Variants in MED12L observed in about 807,000 individuals in gnomAD.
The protein encoded by MED12L is mediator of RNA polymerase II transcription subunit 12-like protein.
Under a neutral mutation model 281.3 loss-of-function variants are expected in MED12L, and 60 were observed. The observed-to-expected ratio is 0.21, with a 90% CI of 0.17 to 0.26. The LOEUF is 0.26. Among genes scored for constraint, MED12L ranks in the 10% least tolerant of loss-of-function variants. The probability of loss-of-function intolerance (pLI) is 1.00; values close to 1 mark genes in which losing one functional copy is unlikely to be tolerated. For synonymous variants in MED12L, 974 were observed against 987.2 expected (o/e 0.99, Z 0.25); for missense variants, 2,146 against 2,680.9 (o/e 0.80, Z 4.41).
chr3:151,228,448 T>C (rs1211807662), intron 16 of MED12L, among the ~76,000 whole-genome samples: 5 of 152,078 alleles, frequency 3.3e-5, no homozygotes, highest in African/African-American at 1.2e-4. Context: ...ATCAGGCTCC[T>C]GACAGTTTCC....
At chr3:151,153,551 T>G (rs1718852524) in intron 5 of MED12L, among the ~76,000 whole-genome samples, 1 of 150,042 alleles carries the variant, frequency 6.7e-6, no homozygotes, top group Non-Finnish European at 1.5e-5. Flanking sequence ...ATGTATCCGT[T>G]TCTGTTTTCT....
intron 16 of MED12L, among the ~76,000 whole-genome samples, chr3:151,274,742 G>C (rs1741563871): frequency 6.6e-6 from 1 of 152,138 alleles, no homozygotes; most frequent in African/African-American, 2.4e-5. Context: ...AAAGATTGTT[G>C]TCATAATTGA....
intron 16 of MED12L, among the ~76,000 whole-genome samples, chr3:151,324,231 T>A (rs1749316284): frequency 6.6e-6 from 1 of 152,194 alleles, no homozygotes; most frequent in Non-Finnish European, 1.5e-5. Flanking sequence ...AGAAAAATGA[T>A]AATCTTTGTA....
At chr3:151,293,576 T>TACACAC (rs55846173) in intron 16 of MED12L, among the ~76,000 whole-genome samples, 7,128 of 76,062 alleles carry the variant, frequency 0.094, 853 homozygotes, top group East Asian at 0.23. Context: ...ATGAAGCCCT[T>TACACAC]ACACACACAC....
chr3:151,145,659 C>G (rs913553719), intron 5 of MED12L, among the ~76,000 whole-genome samples: 2 of 152,172 alleles, frequency 1.3e-5, no homozygotes, highest in Non-Finnish European at 2.9e-5. Flanking sequence ...GGATCTCTTT[C>G]TTACACTTGG....
chr3:151,368,662 T>TCATG (rs1560087230), intron 25 of MED12L, among the ~76,000 whole-genome samples: 2 of 52,378 alleles, frequency 3.8e-5, no homozygotes, highest in East Asian at 9.0e-4. Context: ...TTCATTTCAT[T>TCATG]TCATTTCATT....
chr3:151,086,877 G>GC lies in MED12L; in HGVS notation c.-49dup. ...TGCTGCTCCCTGGTGCTCAGAGGCG[G>GC]CTGCTCCAGCTCCAACTCTCATTCA... On this transcript the variant is annotated 5_prime_UTR_variant, in exon 2 of 45. Coordinates refer to ENST00000687756, the MANE Select transcript of MED12L (RefSeq NM_001393769.1). 1 of 1,456,448 alleles carries GC rather than the reference G, an allele frequency of 6.9e-7. No individual in the cohort carries two copies. Among genetic ancestry groups the GC allele is most frequent in the Non-Finnish European group, 9.3e-7 (1 of 1,071,438 alleles). The allele number at this position is 1,456,448 out of a possible 1,614,324, so 90.2% of individuals were successfully genotyped here. A position where few individuals can be genotyped will look rare whatever the true frequency, so the allele number is the denominator to read the frequency against.
At chr3:151,157,900 C>A (rs896751290) in intron 6 of MED12L, among the ~76,000 whole-genome samples, 9 of 151,996 alleles carry the variant, frequency 5.9e-5, no homozygotes, top group African/African-American at 1.9e-4. Context: ...TTTTTTGTTT[C>A]TTTCTTTCAT....
chr3:151,418,800 T>A (rs578129913), intron 43 of MED12L, among the ~76,000 whole-genome samples: 1 of 152,366 alleles, frequency 6.6e-6, no homozygotes, highest in East Asian at 1.9e-4. Flanking sequence ...TCTATTAAAT[T>A]ATTCTTGCCT....
At chr3:151,126,945 C>G (rs980383123) in intron 4 of MED12L, among the ~76,000 whole-genome samples, 1 of 152,158 alleles carries the variant, frequency 6.6e-6, no homozygotes, top group Non-Finnish European at 1.5e-5. Context: ...CAGAGGGGGT[C>G]ATGGCTGGCG....
At chr3:151,266,166 A>G (rs1045202514) in intron 16 of MED12L, among the ~76,000 whole-genome samples, 1 of 152,172 alleles carries the variant, frequency 6.6e-6, no homozygotes, top group East Asian at 1.9e-4. Flanking sequence ...TATGCTAATG[A>G]TGCTGCTGCC....
chr3:151,134,379 A>T (rs1463525028), intron 5 of MED12L, among the ~76,000 whole-genome samples: 1 of 152,172 alleles, frequency 6.6e-6, no homozygotes, highest in African/African-American at 2.4e-5. Context: ...GAGATACGTT[A>T]TTCTCATTTC....
intron 16 of MED12L, among the ~76,000 whole-genome samples, chr3:151,348,968 A>AT (rs1752906818): frequency 6.6e-6 from 1 of 152,240 alleles, no homozygotes; most frequent in African/African-American, 2.4e-5. Flanking sequence ...TTCTTTTCTC[A>AT]TATAAGCTCC....
chr3:151,225,563 TG>T (rs1240020185), intron 16 of MED12L, among the ~76,000 whole-genome samples: 4 of 152,182 alleles, frequency 2.6e-5, no homozygotes, highest in Non-Finnish European at 5.9e-5. Flanking sequence ...GCCGTCACAA[TG>T]GCAAATCAAT....
chr3:151,368,190 A>C lies in MED12L; in HGVS notation c.3489A>C (p.Thr1163=). ...ACGCCGAGCCTGGGGCGAGAATGAC[A>C]TGCCGACTCTTGCTTCATCTCTTCC... ...DADAEPGARM[T]CRLLLHLFRA... Residue 1163 remains threonine, a synonymous_variant, in exon 25 of 45, where the codon ACA becomes ACC. Transcript: ENST00000687756. The C allele has an allele frequency of 6.2e-7, 1 of 1,614,108 alleles. No homozygotes were observed. The highest frequency in any genetic ancestry group is 1.3e-5 in the African/African-American group (1 of 75,026).
At chr3:151,192,953 T>C (rs1031098851) in intron 15 of MED12L, among the ~76,000 whole-genome samples, 2 of 152,170 alleles carry the variant, frequency 1.3e-5, no homozygotes, top group Non-Finnish European at 2.9e-5. Flanking sequence ...ACAGTCCATG[T>C]TGATTTGCTA....
intron 11 of MED12L, among the ~76,000 whole-genome samples, chr3:151,176,524 T>C (rs1039832941): frequency 6.6e-6 from 1 of 152,150 alleles, no homozygotes; most frequent in African/African-American, 2.4e-5. Context: ...TTTTTTCTTT[T>C]ACTGCTTAAT....
At chr3:151,196,840 C>T (rs1684263208) in intron 16 of MED12L, among the ~76,000 whole-genome samples, 1 of 152,198 alleles carries the variant, frequency 6.6e-6, no homozygotes, top group African/African-American at 2.4e-5. Flanking sequence ...ATAGGATTTT[C>T]AAGCTTTAGA....
intron 4 of MED12L, among the ~76,000 whole-genome samples, chr3:151,124,210 G>A (rs554333929): frequency 1.2e-4 from 18 of 152,200 alleles, no homozygotes; most frequent in South Asian, 6.2e-4. Flanking sequence ...GCATATTTTG[G>A]ATTTGCTACT....
Sources: allele counts gnomAD v4.1 joint callset (sites outside exome capture counted in the v4.1 genomes callset), GRCh38; gene constraint gnomAD v4.1.1; transcripts MANE v1.5; gene names NCBI Gene and HGNC (gene_info 2026-07-23, HGNC 2026-07-21).